Variants in MTA3 observed in about 807,000 individuals in gnomAD.
MTA3 encodes metastasis-associated protein MTA3.
MTA3 carries 34 observed loss-of-function variants against 83.5 expected under a neutral mutation model. The observed-to-expected ratio is 0.41, with a 90% confidence interval of 0.31 to 0.54. The LOEUF is 0.54. Ranked by LOEUF, MTA3 falls within the 20% of genes least tolerant of loss-of-function variation. MTA3 has a pLI of 0.33. For missense variants in MTA3, 761 were observed against 726.4 expected, an observed-to-expected ratio of 1.05 and a Z score of -0.55; for synonymous variants, 303 against 252.7, an observed-to-expected ratio of 1.20 and a Z score of -1.89.
intron 4 of MTA3, among the ~76,000 whole-genome samples, chr2:42,635,534 A>G (rs901212076): frequency 1.9e-4 from 29 of 152,258 alleles, no homozygotes; most frequent in African/African-American, 6.7e-4. Flanking sequence ...AGGCTGAGTC[A>G]GCAGAATCAC....
At chr2:42,705,926 T>G (rs1403543776) in intron 12 of MTA3, among the ~76,000 whole-genome samples, 1 of 152,242 alleles carries the variant, frequency 6.6e-6, no homozygotes, top group East Asian at 1.9e-4. Flanking sequence ...GTTTTCTATT[T>G]ATTAAATGAT....
At chr2:42,739,921 C>G (rs539934486) in intron 16 of MTA3, among the ~76,000 whole-genome samples, 2 of 152,350 alleles carry the variant, frequency 1.3e-5, no homozygotes, top group East Asian at 3.9e-4. Flanking sequence ...TCTTCAGGTT[C>G]CACTTCTCAT....
intron 3 of MTA3, among the ~76,000 whole-genome samples, chr2:42,602,372 T>G (rs1156522294): frequency 6.6e-6 from 1 of 152,220 alleles, no homozygotes; most frequent in South Asian, 2.1e-4. Flanking sequence ...ACAGGTCTTT[T>G]GGTGTACTTA....
Position 42,704,180 on chromosome 2 carries a change from A to T in MTA3, c.1026-14A>T. 6.2e-7 allele frequency: 1 copy of T among 1,612,534 alleles called. No individual in the cohort carries two copies. ...ACAAATCATTTTATCACCTTATTTT[A>T]ATTTCATTGAAAGCAGCAAACCAAA... On this transcript the variant is annotated splice_polypyrimidine_tract_variant and intron_variant, in intron 11 of 16. Coordinates refer to ENST00000405094, the MANE Select transcript of MTA3 (RefSeq NM_001330442.2).
intron 3 of MTA3, among the ~76,000 whole-genome samples, chr2:42,584,821 C>T (rs778382994): frequency 3.3e-5 from 5 of 151,896 alleles, no homozygotes; most frequent in South Asian, 2.1e-4. Context: ...GAGCTGTGTT[C>T]GTGCCACACC....
chr2:42,665,254 T>C (rs1690130393), intron 8 of MTA3, among the ~76,000 whole-genome samples: 1 of 152,044 alleles, frequency 6.6e-6, no homozygotes, highest in South Asian at 2.1e-4. Flanking sequence ...TAGCTGGATG[T>C]GGTGGCACGT....
At chr2:42,631,163 G>A (rs1281491443) in intron 4 of MTA3, among the ~76,000 whole-genome samples, 2 of 152,172 alleles carry the variant, frequency 1.3e-5, no homozygotes. Context: ...AAAGGGTACT[G>A]TTGATACCTA....
chr2:42,742,502 A>C (rs1325273422), intron 16 of MTA3, among the ~76,000 whole-genome samples: 1 of 152,186 alleles, frequency 6.6e-6, no homozygotes, highest in Non-Finnish European at 1.5e-5. Context: ...CCGATATACC[A>C]AATATAAAAG....
chr2:42,733,486 C>T (rs1159956680), intron 16 of MTA3, among the ~76,000 whole-genome samples: 1 of 152,214 alleles, frequency 6.6e-6, no homozygotes, highest in Non-Finnish European at 1.5e-5. Context: ...CAAACCATAT[C>T]AAGGCTCTTT....
rs974272122 is a variant in MTA3 at position 42,559,994 on chromosome 2, A to C, written c.-140-10443A>C. On this transcript the variant is annotated intron_variant, in intron 2 of 17. Coordinates refer to the MTA3 transcript ENST00000405592. ...CTTGAAATATGTCAATCTCCTATCA[A>C]GTCTTCTTGTTTCTCTTCCTGAGGG... Among the ~76,000 whole-genome samples, 4 of 152,038 alleles carry C rather than the reference A, an allele frequency of 2.6e-5. No homozygotes were observed. The South Asian group carries it at 8.3e-4, about 32-fold the overall frequency.
chr2:42,560,742 TG>T (rs1677637833), intron 2 of MTA3, among the ~76,000 whole-genome samples: 1 of 150,766 alleles, frequency 6.6e-6, no homozygotes, highest in Non-Finnish European at 1.5e-5. Flanking sequence ...CCATCTCTAC[TG>T]GAAAAAAAAA....
At chr2:42,551,346 A>G (rs1448929012) in intron 2 of MTA3, among the ~76,000 whole-genome samples, 1 of 151,982 alleles carries the variant, frequency 6.6e-6, no homozygotes, top group Non-Finnish European at 1.5e-5. Flanking sequence ...GCACACCACC[A>G]TGCCTGGCTA....
At chr2:42,636,626 CTT>C (rs869057645) in intron 4 of MTA3, among the ~76,000 whole-genome samples, 14 of 130,038 alleles carry the variant, frequency 1.1e-4, no homozygotes, top group Non-Finnish European at 1.2e-4. Context: ...CTCTTTCTTT[CTT>C]TTTTTTTTTT....
chr2:42,713,941 A>C (rs777470834), intron 14 of MTA3, among the ~76,000 whole-genome samples: 3 of 152,218 alleles, frequency 2.0e-5, no homozygotes, highest in Non-Finnish European at 4.4e-5. Context: ...TAGATCCCTA[A>C]AAGTTAAAGT....
chr2:42,654,228 C>G (rs1377918964), intron 6 of MTA3, among the ~76,000 whole-genome samples: 1 of 152,224 alleles, frequency 6.6e-6, no homozygotes, highest in Non-Finnish European at 1.5e-5. Context: ...AACCTAACAA[C>G]AGTGGCCTGA....
chr2:42,601,226 A>T (rs902616425), intron 3 of MTA3, among the ~76,000 whole-genome samples: 1 of 152,110 alleles, frequency 6.6e-6, no homozygotes, highest in East Asian at 1.9e-4. Context: ...TTATAAATCA[A>T]CTTGAACTTT....
intron 12 of MTA3, among the ~76,000 whole-genome samples, chr2:42,705,229 G>A (rs1665972048): frequency 6.6e-6 from 1 of 152,092 alleles, no homozygotes; most frequent in Non-Finnish European, 1.5e-5. Context: ...CCATTTTTTT[G>A]CAGCATGGGA....
intron 2 of MTA3, among the ~76,000 whole-genome samples, chr2:42,548,844 ATAATATATATATATAAT>A (rs1676907293): frequency 1.2e-4 from 1 of 8,530 alleles, no homozygotes; most frequent in African/African-American, 3.3e-4. Flanking sequence ...ATATATATAT[ATAATATATATATATAAT>A]ATATATATAT....
intron 14 of MTA3, 70 bp from the exon 15 acceptor site, chr2:42,718,918 C>G: frequency 1.8e-6 from 2 of 1,124,154 alleles, no homozygotes; most frequent in Admixed American, 4.1e-5. Flanking sequence ...ACCTTTATTT[C>G]TGTGGTGCAT....
Sources: gnomAD v4.1 joint callset for allele counts (sites outside exome capture counted in the v4.1 genomes callset) on GRCh38, gnomAD v4.1.1 for gene constraint, MANE v1.5 for transcripts, NCBI Gene and HGNC (gene_info 2026-07-23, HGNC 2026-07-21) for gene names.